GPC4: variants seen among roughly 807,000 people sequenced by gnomAD.
GPC4 encodes the protein glypican-4.
A neutral mutation model predicts 35.0 loss-of-function variants in GPC4; 10 were observed. The observed-to-expected ratio is 0.29, with a 90% CI of 0.18 to 0.48. The LOEUF is 0.48. Among genes scored for constraint, GPC4 ranks in the 20% least tolerant of loss-of-function variants. GPC4 has a pLI of 0.99. For missense variants in GPC4, 322 were observed against 451.3 expected (o/e 0.71, Z 2.60); for synonymous variants, 167 against 170.2 (o/e 0.98, Z 0.15).
chrX:133,398,057 C>A (rs2068752332), intron 1 of GPC4, among the ~76,000 whole-genome samples: 1 of 111,879 alleles, frequency 8.9e-6, no homozygotes, highest in Non-Finnish European at 1.9e-5. Context: ...GAGAGAGACT[C>A]GGTCTCAAAC....
intron 1 of GPC4, among the ~76,000 whole-genome samples, chrX:133,387,481 C>A: frequency 9.3e-6 from 1 of 107,610 alleles, no homozygotes; most frequent in African/African-American, 3.4e-5. Flanking sequence ...AAGAAGAAAA[C>A]AGAAAAAAAG....
intron 1 of GPC4, among the ~76,000 whole-genome samples, chrX:133,413,595 A>C (rs1603103386): frequency 1.0e-5 from 1 of 98,380 alleles, no homozygotes; most frequent in Non-Finnish European, 2.0e-5. Flanking sequence ...GGCGCGCTCC[A>C]CTCACTTCCA....
In GPC4 at chrX:133,410,527, T is replaced by C. The variant is rs371155624; in HGVS notation, c.160+4279A>G. ...TTATCATGAGGCCAAAATACATTTT[T>C]AAAAACATAAATAAGAAAAAAACCT... On this transcript the variant is annotated intron_variant, in intron 1 of 8. Transcript: ENST00000370828. Among the ~76,000 whole-genome samples, 8 of 111,946 alleles carry C rather than the reference T, an allele frequency of 7.1e-5. No homozygotes were observed. The East Asian group carries it at 2.0e-3, about 28-fold the overall frequency.
intron 1 of GPC4, among the ~76,000 whole-genome samples, chrX:133,378,027 T>C (rs1321672411): frequency 9.3e-6 from 1 of 107,958 alleles, no homozygotes; most frequent in African/African-American, 3.4e-5. Context: ...CCAGAGTAGC[T>C]GGGACTACAG....
At chrX:133,336,879 C>T (rs1261174781) in intron 2 of GPC4, among the ~76,000 whole-genome samples, 1 of 110,600 alleles carries the variant, frequency 9.0e-6, no homozygotes, top group Non-Finnish European at 1.9e-5. Context: ...AGTGCAGTGG[C>T]GCAATCTTGG....
chrX:133,414,378 C>T, intron 1 of GPC4: 1 of 551,806 alleles, frequency 1.8e-6, no homozygotes, highest in Non-Finnish European at 2.2e-6. Context: ...CCACCCCCAC[C>T]CGGCCTCTCC....
chrX:133,339,449 C>T, intron 1 of GPC4, 108 bp from the exon 2 acceptor site: 1 of 621,009 alleles, frequency 1.6e-6, no homozygotes. Flanking sequence ...TGCAAAGGCC[C>T]AGGCAACATG....
chrX:133,313,109 G>T (rs2068323638), intron 3 of GPC4, among the ~76,000 whole-genome samples: 1 of 112,118 alleles, frequency 8.9e-6, no homozygotes, highest in Non-Finnish European at 1.9e-5. Context: ...CCACAGGGAA[G>T]AGATGCTGGG....
intron 1 of GPC4, among the ~76,000 whole-genome samples, chrX:133,378,815 C>T (rs189363485): frequency 8.1e-5 from 9 of 111,297 alleles, no homozygotes; most frequent in African/African-American, 2.6e-4. Flanking sequence ...AGCCAAAAAG[C>T]CCTATTACCA....
chrX:133,374,952 T>G lies in GPC4; in HGVS notation c.161-35611A>C, dbSNP rs1001983225. On this transcript the variant is annotated intron_variant, in intron 1 of 8. Coordinates refer to ENST00000370828, the MANE Select transcript of GPC4 (RefSeq NM_001448.3). ...AACCTTCAGGTTTGTTATGAAATTG[T>G]TGTACTCTATTATGAGACTGTATAT... 2.7e-5 allele frequency among the ~76,000 whole-genome samples: 3 copies of G among 112,182 alleles called. No homozygotes were observed. The East Asian group carries it at 8.4e-4, about 31-fold the overall frequency.
In GPC4 at chrX:133,365,296, T is replaced by C. The variant is rs997931627; in HGVS notation, c.161-25955A>G. ...CATCAACCGTTCACCACTACAGTGT[T>C]TGCTTTGCCTCGACCTTCACCAACT... On this transcript the variant is annotated intron_variant, in intron 1 of 8. Transcript: ENST00000370828. Among the ~76,000 whole-genome samples the C allele has an allele frequency of 2.7e-5, 3 of 112,117 alleles. No homozygotes were observed. The East Asian group carries it at 8.4e-4, about 31-fold the overall frequency.
chrX:133,390,299 T>G (rs1378197292), intron 1 of GPC4, among the ~76,000 whole-genome samples: 2 of 111,806 alleles, frequency 1.8e-5, no homozygotes, highest in Non-Finnish European at 3.8e-5. Flanking sequence ...TCATAATGAA[T>G]TAGCGTATTA....
At chrX:133,344,190 G>GTTTTTTTTTTTTTT in intron 1 of GPC4, among the ~76,000 whole-genome samples, 1 of 39,351 alleles carries the variant, frequency 2.5e-5, no homozygotes, top group South Asian at 1.0e-3. Context: ...CTTTCTTTCT[G>GTTTTTTTTTTTTTT]GTTTTTTTTT....
At chrX:133,337,055 G>A (rs1266450491) in intron 2 of GPC4, among the ~76,000 whole-genome samples, 1 of 111,638 alleles carries the variant, frequency 9.0e-6, no homozygotes, top group Non-Finnish European at 1.9e-5. Context: ...CTGGGCTCAA[G>A]CAATCTGCCC....
intron 1 of GPC4, among the ~76,000 whole-genome samples, chrX:133,391,947 A>G (rs1443377880): frequency 8.9e-6 from 1 of 111,875 alleles, no homozygotes; most frequent in African/African-American, 3.2e-5. Flanking sequence ...ATTCACTTAC[A>G]ATAGGTCCAG....
chrX:133,398,743 G>A (rs1222824988), intron 1 of GPC4, among the ~76,000 whole-genome samples: 2 of 108,406 alleles, frequency 1.8e-5, no homozygotes, highest in Non-Finnish European at 3.8e-5. Flanking sequence ...ACTTTAGCCT[G>A]GGTGACAGAC....
chrX:133,381,688 T>C (rs1448230845), intron 1 of GPC4, among the ~76,000 whole-genome samples: 3 of 112,816 alleles, frequency 2.7e-5, no homozygotes, highest in African/African-American at 9.7e-5. Context: ...TGTGAAACTG[T>C]GCTCCTAAGT....
At chrX:133,362,147 G>C (rs544823665) in intron 1 of GPC4, among the ~76,000 whole-genome samples, 1 of 108,286 alleles carries the variant, frequency 9.2e-6, no homozygotes, top group Non-Finnish European at 1.9e-5. Flanking sequence ...CCAGGAGGTC[G>C]AGGCTTCAGT....
chrX:133,383,724 G>C (rs1420462565), intron 1 of GPC4, among the ~76,000 whole-genome samples: 4 of 111,718 alleles, frequency 3.6e-5, no homozygotes, highest in Non-Finnish European at 7.5e-5. Context: ...GTGCATGCCT[G>C]TAATTCCAGC....
Sources: gnomAD v4.1 joint callset for allele counts (sites outside exome capture counted in the v4.1 genomes callset) on GRCh38, gnomAD v4.1.1 for gene constraint, MANE v1.5 for transcripts, NCBI Gene and HGNC (gene_info 2026-07-23, HGNC 2026-07-21) for gene names.